Variants in TMC5 observed in about 807,000 individuals in gnomAD.
TMC5 encodes the protein transmembrane channel-like protein 5.
A neutral mutation model predicts 110.5 loss-of-function variants in TMC5; 86 were observed. The observed-to-expected ratio is 0.78, with a 90% CI of 0.65 to 0.93. TMC5 has a LOEUF of 0.93. Among genes scored for constraint, TMC5 ranks in the 40% least tolerant of loss-of-function variants. The pLI is 0.00. For missense variants in TMC5, 1,144 were observed against 1,222.8 expected, an observed-to-expected ratio of 0.94 and a Z score of 0.96; for synonymous variants, 455 against 439.5, an observed-to-expected ratio of 1.04 and a Z score of -0.44.
chr16:19,451,262 C>T (rs902600930), intron 5 of TMC5, among the ~76,000 whole-genome samples: 4 of 152,130 alleles, frequency 2.6e-5, no homozygotes, highest in Admixed American at 6.6e-5. Context: ...TACAATGATG[C>T]GTGTGGAGAG....
intron 6 of TMC5, among the ~76,000 whole-genome samples, chr16:19,461,079 G>A (rs1201672248): frequency 1.3e-5 from 2 of 152,158 alleles, no homozygotes; most frequent in East Asian, 3.8e-4. Flanking sequence ...AATGGACATC[G>A]GTGGAAAAAC....
At chr16:19,432,140 T>C (rs189667725) in intron 2 of TMC5, among the ~76,000 whole-genome samples, 6 of 152,290 alleles carry the variant, frequency 3.9e-5, no homozygotes, top group African/African-American at 1.2e-4. Context: ...TGTGACCTCA[T>C]CCATATTCTA....
intron 1 of TMC5, among the ~76,000 whole-genome samples, chr16:19,424,626 G>A (rs1308993268): frequency 9.9e-5 from 15 of 152,120 alleles, no homozygotes; most frequent in Non-Finnish European, 4.4e-5. Flanking sequence ...TTCAGCCTGG[G>A]TGACAAGAGT....
chr16:19,448,200 A>G (rs1967660104), intron 4 of TMC5, among the ~76,000 whole-genome samples: 1 of 138,998 alleles, frequency 7.2e-6, no homozygotes, highest in Admixed American at 7.0e-5. Context: ...GTTAGAGTGC[A>G]GTTTATATAG....
intron 3 of TMC5, among the ~76,000 whole-genome samples, chr16:19,443,301 C>T (rs1967532299): frequency 6.6e-6 from 1 of 152,162 alleles, no homozygotes; most frequent in Non-Finnish European, 1.5e-5. Flanking sequence ...CATAGCATTT[C>T]CTTTATATAT....
At chr16:19,451,549 G>GT (rs1216903673) in intron 5 of TMC5, among the ~76,000 whole-genome samples, 1 of 152,092 alleles carries the variant, frequency 6.6e-6, no homozygotes, top group Non-Finnish European at 1.5e-5. Flanking sequence ...CACTCAGAGT[G>GT]TTTTTTCTGT....
intron 5 of TMC5, chr16:19,456,771 A>C (rs1329185542): frequency 1.2e-5 from 19 of 1,614,058 alleles, no homozygotes; most frequent in Non-Finnish European, 1.5e-5. Context: ...TCTGGGGTCC[A>C]AAGCCACCCA....
intron 1 of TMC5, among the ~76,000 whole-genome samples, chr16:19,418,966 C>T (rs539612561): frequency 2.4e-4 from 37 of 152,260 alleles, no homozygotes; most frequent in African/African-American, 8.4e-4. Flanking sequence ...TAAGCTCAAG[C>T]GATCCTTCTG....
At chr16:19,495,382 C>T (rs1969027439) in intron 20 of TMC5, among the ~76,000 whole-genome samples, 1 of 152,102 alleles carries the variant, frequency 6.6e-6, no homozygotes, top group South Asian at 2.1e-4. Flanking sequence ...TCTACCAACA[C>T]TTTAATTTAC....
intron 11 of TMC5, among the ~76,000 whole-genome samples, chr16:19,473,772 G>A (rs1490803323): frequency 6.6e-6 from 1 of 152,080 alleles, no homozygotes; most frequent in Non-Finnish European, 1.5e-5. Context: ...CTGAGGTCGG[G>A]AGTTAGAGAC....
Position 19,439,962 on chromosome 16 carries a change from G to GA in TMC5, c.-65dup, listed in dbSNP as rs5816052. On this transcript the variant is annotated 5_prime_UTR_variant, in exon 3 of 22. Coordinates refer to ENST00000542583, the MANE Select transcript of TMC5 (RefSeq NM_001261841.2). ...TTTCTTTTCTTCTTGTTTTTCAGGT[G>GA]AAAAAAAAAAAAGATCCCTGAGTAA... The GA allele has an allele frequency of 0.04, 38,509 of 964,790 alleles. No homozygotes were observed. The highest frequency in any genetic ancestry group is 0.051 in the South Asian group (2,569 of 50,494). 59.8% of individuals were successfully genotyped at this position (964,790 alleles called of 1,614,324 possible).
chr16:19,419,395 T>A (rs1966927995), intron 1 of TMC5, among the ~76,000 whole-genome samples: 1 of 146,298 alleles, frequency 6.8e-6, no homozygotes, highest in African/African-American at 2.5e-5. Context: ...TGGAAATGAA[T>A]GTGTTGGTTT....
At chr16:19,455,435 A>C (rs1395951040) in intron 5 of TMC5, among the ~76,000 whole-genome samples, 1 of 152,140 alleles carries the variant, frequency 6.6e-6, no homozygotes, top group East Asian at 1.9e-4. Context: ...TAAATAAATA[A>C]ATAAAAATTT....
upstream of TMC5, among the ~76,000 whole-genome samples, chr16:19,416,350 T>C (rs1046078847): frequency 1.3e-5 from 2 of 152,202 alleles, no homozygotes; most frequent in Non-Finnish European, 2.9e-5. Context: ...ATACAGAAAT[T>C]TGATCCAGCC....
intron 8 of TMC5, among the ~76,000 whole-genome samples, chr16:19,465,812 G>T (rs1036266047): frequency 6.6e-6 from 1 of 152,212 alleles, no homozygotes; most frequent in Non-Finnish European, 1.5e-5. Context: ...AGGCCTGGCT[G>T]TCGTGTTCTT....
chr16:19,441,728 A>G (rs1417066369), intron 3 of TMC5, among the ~76,000 whole-genome samples: 2 of 152,108 alleles, frequency 1.3e-5, no homozygotes, highest in Non-Finnish European at 1.5e-5. Context: ...AATTTTATCA[A>G]TTATAGTTTT....
intron 8 of TMC5, among the ~76,000 whole-genome samples, chr16:19,464,948 G>C (rs1968121516): frequency 6.7e-6 from 1 of 148,166 alleles, no homozygotes. Flanking sequence ...ATAAACAGAG[G>C]ATAGGATTGT....
intron 15 of TMC5, 151 bp from the exon 16 acceptor site, chr16:19,486,794 G>A (rs1968753464): frequency 1.6e-6 from 1 of 641,476 alleles, no homozygotes. Flanking sequence ...CACATTCTGA[G>A]ATATTCGGGG....
chr16:19,416,659 C>T (rs186937949), upstream of TMC5, among the ~76,000 whole-genome samples: 263 of 152,276 alleles, frequency 1.7e-3, 2 homozygotes, highest in Admixed American at 3.7e-3. Context: ...CATTTGAATT[C>T]GAGTCAACTG....
Sources: allele counts gnomAD v4.1 joint callset (sites outside exome capture counted in the v4.1 genomes callset), GRCh38; gene constraint gnomAD v4.1.1; transcripts MANE v1.5; gene names NCBI Gene and HGNC (gene_info 2026-07-23, HGNC 2026-07-21).